The following RAPGEF2 variants were observed in gnomAD, a reference collection of about 807,000 sequenced individuals.
RAPGEF2 encodes the protein PDZ domain containing guanine nucleotide exchange factor (GEF) 1.
Under a neutral mutation model 186.7 loss-of-function variants are expected in RAPGEF2, and 54 were observed. The ratio of observed to expected loss-of-function variants is 0.29; its 90% CI spans 0.23 to 0.36. The LOEUF (loss-of-function observed/expected upper bound fraction) is 0.36, where lower values mean the gene tolerates loss of function less well. Ranked by LOEUF, RAPGEF2 falls within the 10% of genes least tolerant of loss-of-function variation. The probability of loss-of-function intolerance (pLI) is 1.00; values close to 1 mark genes in which losing one functional copy is unlikely to be tolerated. For missense variants in RAPGEF2, 1,532 were observed against 2,045.0 expected (o/e 0.75, Z 4.84); for synonymous variants, 712 against 705.9 (o/e 1.01, Z -0.14).
intron 28 of RAPGEF2, among the ~76,000 whole-genome samples, chr4:159,354,488 AT>A (rs1424448850): frequency 6.6e-6 from 1 of 152,148 alleles, no homozygotes; most frequent in Non-Finnish European, 1.5e-5. Context: ...TCTTCCATTG[AT>A]TTTTATTCTG....
intron 1 of RAPGEF2, among the ~76,000 whole-genome samples, chr4:159,157,822 T>G (rs923555461): frequency 2.0e-5 from 3 of 152,200 alleles, no homozygotes; most frequent in African/African-American, 7.2e-5. Flanking sequence ...AAAGGAATGG[T>G]CCTTCTTTTA....
intron 7 of RAPGEF2, among the ~76,000 whole-genome samples, chr4:159,269,141 G>A (rs1463892556): frequency 2.0e-5 from 3 of 152,144 alleles, no homozygotes; most frequent in African/African-American, 7.2e-5. Context: ...CTGAGGCTTT[G>A]TAAGTTTATA....
At position 159,304,485 on chromosome 4, in the gene RAPGEF2, T is replaced by C; in HGVS notation, c.675+12T>C. ...CTGATATCTACCAGGTAAGAGGATG[T>C]TTTCCTTGTCATTTGCTTCATTTTC... is the stretch of plus-strand genomic sequence containing the variant. On this transcript the variant is annotated intron_variant, in intron 8 of 29. Transcript: ENST00000691494. The C allele has an allele frequency of 6.3e-7, 1 of 1,591,102 alleles. No homozygotes were observed. Among genetic ancestry groups the C allele is most frequent in the South Asian group, 1.1e-5 (1 of 88,280 alleles).
intron 1 of RAPGEF2, among the ~76,000 whole-genome samples, chr4:159,149,248 T>G (rs1743272763): frequency 6.6e-6 from 1 of 152,160 alleles, no homozygotes; most frequent in Admixed American, 6.6e-5. Context: ...AAAGTTTTAG[T>G]TTTTTTGTTT....
At chr4:159,106,010 ACCT>A (rs1260728050) in intron 1 of RAPGEF2, among the ~76,000 whole-genome samples, 2 of 152,066 alleles carry the variant, frequency 1.3e-5, no homozygotes, top group African/African-American at 2.4e-5. Flanking sequence ...AAGAGACAAA[ACCT>A]CCACTGTGAC....
chr4:159,274,150 T>C (rs140942692), intron 7 of RAPGEF2, among the ~76,000 whole-genome samples: 25 of 152,344 alleles, frequency 1.6e-4, no homozygotes, highest in African/African-American at 5.0e-4. Flanking sequence ...ATTCAGGTAA[T>C]CTATTAAGAA....
intron 3 of RAPGEF2, among the ~76,000 whole-genome samples, chr4:159,201,078 AT>A (rs1749358037): frequency 6.6e-6 from 1 of 152,038 alleles, no homozygotes; most frequent in Admixed American, 6.6e-5. Context: ...GCTTGATATC[AT>A]TGTTGGGGTT....
At chr4:159,263,902 A>AT (rs1480194354) in intron 7 of RAPGEF2, among the ~76,000 whole-genome samples, 10 of 152,160 alleles carry the variant, frequency 6.6e-5, no homozygotes, top group East Asian at 5.8e-4. Flanking sequence ...TATAATCTCC[A>AT]TTTTTTTGGA....
chr4:159,128,214 A>G (rs77039968), intron 1 of RAPGEF2, among the ~76,000 whole-genome samples: 3,005 of 152,252 alleles, frequency 0.02, 110 homozygotes, highest in South Asian at 0.1. Context: ...ATTACTGTCA[A>G]TCTAATAGTA....
chr4:159,218,766 A>G (rs940099200), intron 4 of RAPGEF2, among the ~76,000 whole-genome samples: 10 of 152,178 alleles, frequency 6.6e-5, no homozygotes, highest in Admixed American at 3.9e-4. Context: ...TAAAAAAAAA[A>G]AAGTCGTTTT....
At chr4:159,265,130 A>C (rs541214600) in intron 7 of RAPGEF2, among the ~76,000 whole-genome samples, 6 of 152,290 alleles carry the variant, frequency 3.9e-5, no homozygotes, top group Admixed American at 3.9e-4. Context: ...GGGTCTTTCT[A>C]GTGCCCTTTC....
At chr4:159,130,825 A>G (rs1740964228) in intron 1 of RAPGEF2, among the ~76,000 whole-genome samples, 1 of 150,104 alleles carries the variant, frequency 6.7e-6, no homozygotes, top group African/African-American at 2.5e-5. Context: ...TCCTCCCACC[A>G]CAGCCTCCCA....
At chr4:159,267,596 A>AT (rs985748515) in intron 7 of RAPGEF2, 17 of 459,358 alleles carry the variant, frequency 3.7e-5, no homozygotes, top group Middle Eastern at 9.6e-4. Context: ...CTCTGCCCTG[A>AT]TTTTTTTCTT....
intron 1 of RAPGEF2, among the ~76,000 whole-genome samples, chr4:159,111,421 T>C (rs1230733558): frequency 6.6e-6 from 1 of 152,208 alleles, no homozygotes; most frequent in Non-Finnish European, 1.5e-5. Flanking sequence ...TGAATAAAAA[T>C]GTACATTTCG....
intron 9 of RAPGEF2, 99 bp downstream of exon 9, chr4:159,314,867 C>A (rs2111110754): frequency 8.9e-7 from 1 of 1,127,554 alleles, no homozygotes; most frequent in Non-Finnish European, 1.2e-6. Flanking sequence ...GCTTTAAAAA[C>A]TCATTAATTT....
At chr4:159,159,889 AT>A (rs1744521980) in intron 1 of RAPGEF2, among the ~76,000 whole-genome samples, 1 of 152,198 alleles carries the variant, frequency 6.6e-6, no homozygotes, top group Non-Finnish European at 1.5e-5. Flanking sequence ...CATCAGGTGG[AT>A]GATCCTGTGG....
chr4:159,331,308 A>C, intron 13 of RAPGEF2, 123 bp from the exon 14 acceptor site: 1 of 594,726 alleles, frequency 1.7e-6, no homozygotes, highest in East Asian at 2.9e-5. Context: ...ATTATTGTTA[A>C]TTTATTTTCC....
chr4:159,297,334 T>C (rs1239195974), intron 7 of RAPGEF2, among the ~76,000 whole-genome samples: 1 of 152,236 alleles, frequency 6.6e-6, no homozygotes, highest in African/African-American at 2.4e-5. Flanking sequence ...CAAAGCTTTG[T>C]GGTTTTACCA....
At chr4:159,128,376 C>T (rs1740613614) in intron 1 of RAPGEF2, among the ~76,000 whole-genome samples, 1 of 152,020 alleles carries the variant, frequency 6.6e-6, no homozygotes, top group African/African-American at 2.4e-5. Flanking sequence ...TACCTATTTT[C>T]AGGGTTACGT....
Sources: gnomAD v4.1 joint callset for allele counts (sites outside exome capture counted in the v4.1 genomes callset) on GRCh38, gnomAD v4.1.1 for gene constraint, MANE v1.5 for transcripts, NCBI Gene and HGNC (gene_info 2026-07-23, HGNC 2026-07-21) for gene names.